The following CLVS1 variants were observed in gnomAD, a reference collection of about 807,000 sequenced individuals.
CLVS1 encodes the protein clavesin-1.
In CLVS1, 10 loss-of-function variants were observed where a neutral mutation model predicts 33.1. That is an observed-to-expected ratio of 0.30 (90% confidence interval 0.19 to 0.51). The LOEUF (loss-of-function observed/expected upper bound fraction) is 0.51, where lower values mean the gene tolerates loss of function less well. Ranked by LOEUF, CLVS1 falls within the 20% of genes least tolerant of loss-of-function variation. CLVS1 has a pLI of 0.97. For missense variants in CLVS1, 343 were observed against 433.4 expected (o/e 0.79, Z 1.85); for synonymous variants, 163 against 166.1 (o/e 0.98, Z 0.14).
the CLVS1 span, among the ~76,000 whole-genome samples, chr8:61,043,025 G>T: frequency 2.6e-5 from 4 of 152,260 alleles, no homozygotes; most frequent in East Asian, 5.8e-4. Flanking sequence ...ATAGGTCTGA[G>T]TTGATGTTGA....
At chr8:61,209,804 C>T (rs538909570) in intron 2 of CLVS1, among the ~76,000 whole-genome samples, 2 of 148,252 alleles carry the variant, frequency 1.3e-5, no homozygotes, top group African/African-American at 5.0e-5. Flanking sequence ...TTCAAAGATG[C>T]CACCAATATC....
Position 61,348,538 on chromosome 8 carries a change from G to T in CLVS1, c.456-28067G>T, listed in dbSNP as rs1194605379. Among the ~76,000 whole-genome samples, 4 of 152,002 alleles carry T rather than the reference G, an allele frequency of 2.6e-5. No individual in the cohort carries two copies. In the East Asian group the frequency reaches 7.7e-4, roughly 29 times the overall value. On this transcript the variant is annotated intron_variant, in intron 2 of 5. Coordinates refer to ENST00000325897, the MANE Select transcript of CLVS1 (RefSeq NM_173519.3). The stretch of plus-strand genomic sequence containing the variant: ...GTCCTTCAGGTTCATTCATATTGTT[G>T]CAAATGACAGGATTTCCTACTTTTT...
At chr8:61,383,148 A>G (rs991317865) in intron 3 of CLVS1, among the ~76,000 whole-genome samples, 3 of 152,214 alleles carry the variant, frequency 2.0e-5, no homozygotes, top group Non-Finnish European at 2.9e-5. Flanking sequence ...GCCCTAAACA[A>G]GAGAGTTCCT....
intron 2 of CLVS1, among the ~76,000 whole-genome samples, chr8:61,308,928 T>G (rs1810734133): frequency 6.6e-6 from 1 of 152,172 alleles, no homozygotes; most frequent in Non-Finnish European, 1.5e-5. Flanking sequence ...TTCCAAAGTC[T>G]TTTTCAATCA....
At chr8:61,002,631 G>A in the CLVS1 span, among the ~76,000 whole-genome samples, 53 of 152,204 alleles carry the variant, frequency 3.5e-4, no homozygotes, top group East Asian at 3.7e-3. Context: ...CACCCAGCCT[G>A]TATGCTTGTT....
chr8:61,191,444 A>G (rs1042809738), intron 2 of CLVS1, among the ~76,000 whole-genome samples: 1 of 152,242 alleles, frequency 6.6e-6, no homozygotes, highest in Non-Finnish European at 1.5e-5. Context: ...AACTGGAAGC[A>G]TTCCCTTTGA....
chr8:61,406,599 C>A (rs530513239), intron 3 of CLVS1, among the ~76,000 whole-genome samples: 1 of 151,220 alleles, frequency 6.6e-6, no homozygotes, highest in African/African-American at 2.4e-5. Context: ...GGAGGTTTGA[C>A]ATAGATTTGT....
intron 2 of CLVS1, among the ~76,000 whole-genome samples, chr8:61,168,405 A>T (rs1405362239): frequency 1.3e-5 from 2 of 152,246 alleles, no homozygotes; most frequent in East Asian, 3.8e-4. Context: ...TGCTAGACTT[A>T]TGTAAATGGT....
intron 1 of CLVS1, among the ~76,000 whole-genome samples, chr8:61,065,968 G>A (rs2129279017): frequency 6.6e-6 from 1 of 152,290 alleles, no homozygotes; most frequent in Admixed American, 6.5e-5. Flanking sequence ...ACATTGTTAA[G>A]TAAAAAGTGA....
intron 2 of CLVS1, among the ~76,000 whole-genome samples, chr8:61,225,411 A>G (rs1808305739): frequency 6.6e-6 from 1 of 152,220 alleles, no homozygotes; most frequent in South Asian, 2.1e-4. Flanking sequence ...ACCACCTTTT[A>G]TACTTATGAA....
intron 2 of CLVS1, among the ~76,000 whole-genome samples, chr8:61,268,702 T>C (rs1330727995): frequency 9.0e-4 from 124 of 138,002 alleles, no homozygotes; most frequent in African/African-American, 3.1e-3. Context: ...TTTTAGTGAT[T>C]GCCATTCTAA....
chr8:61,182,720 A>G (rs906615461), intron 2 of CLVS1, among the ~76,000 whole-genome samples: 2 of 152,056 alleles, frequency 1.3e-5, no homozygotes, highest in Admixed American at 6.6e-5. Context: ...TAGTTCAATC[A>G]TTGTGGAAGA....
At chr8:61,159,848 G>A (rs1464942333) in intron 2 of CLVS1, among the ~76,000 whole-genome samples, 2 of 152,202 alleles carry the variant, frequency 1.3e-5, no homozygotes, top group African/African-American at 4.8e-5. Context: ...GGGTGCAAGA[G>A]CAAGGAGACA....
chr8:61,270,993 G>GT (rs1298505181), intron 2 of CLVS1, among the ~76,000 whole-genome samples: 284 of 150,218 alleles, frequency 1.9e-3, no homozygotes, highest in African/African-American at 6.0e-3. Context: ...TTTTTGAAGG[G>GT]TTTTTTGTGT....
intron 5 of CLVS1, among the ~76,000 whole-genome samples, chr8:61,482,905 CACA>C (rs1563574485): frequency 6.6e-6 from 1 of 152,130 alleles, no homozygotes; most frequent in African/African-American, 2.4e-5. Context: ...AGAACAAAGA[CACA>C]ACATACCAGA....
chr8:61,402,529 G>A lies in CLVS1; in HGVS notation c.630+25750G>A, dbSNP rs549214480. 5.3e-5 allele frequency among the ~76,000 whole-genome samples: 8 copies of A among 152,104 alleles called. No individual in the cohort carries two copies. In the South Asian group the frequency reaches 1.2e-3, roughly 24 times the overall value. On this transcript the variant is annotated intron_variant, in intron 3 of 5. Coordinates refer to ENST00000325897, the MANE Select transcript of CLVS1 (RefSeq NM_173519.3). The stretch of plus-strand genomic sequence containing the variant: ...CACAATAAACCAAGTTTCACCAACC[G>A]GTTAACGTACACACACGATTCAATG...
chr8:61,118,595 G>A (rs2129289375), intron 1 of CLVS1, among the ~76,000 whole-genome samples: 1 of 151,622 alleles, frequency 6.6e-6, no homozygotes, highest in Admixed American at 6.6e-5. Flanking sequence ...TGGTTTCAAA[G>A]AACATCTTTA....
chr8:61,281,553 A>C (rs1319535524), intron 2 of CLVS1, among the ~76,000 whole-genome samples: 1 of 152,188 alleles, frequency 6.6e-6, no homozygotes, highest in Non-Finnish European at 1.5e-5. Context: ...CCCTGATCTG[A>C]GGCTTCTAAC....
chr8:61,066,968 C>T (rs1487868800), intron 1 of CLVS1, among the ~76,000 whole-genome samples: 2 of 152,052 alleles, frequency 1.3e-5, no homozygotes, highest in Admixed American at 1.3e-4. Flanking sequence ...GCAGTCTAGT[C>T]ATCAAACACA....
Sources: allele counts gnomAD v4.1 joint callset (sites outside exome capture counted in the v4.1 genomes callset), GRCh38; gene constraint gnomAD v4.1.1; transcripts MANE v1.5; gene names NCBI Gene and HGNC (gene_info 2026-07-23, HGNC 2026-07-21).